Variants in PER2 observed in about 807,000 individuals in gnomAD.
PER2 encodes the protein period circadian regulator 2.
In PER2, 66 loss-of-function variants were observed where a neutral mutation model predicts 121.0. The ratio of observed to expected loss-of-function variants is 0.55; its 90% CI spans 0.45 to 0.67. PER2 has a LOEUF of 0.67. Among genes scored for constraint, PER2 ranks in the 30% least tolerant of loss-of-function variants. The pLI, the probability that PER2 is intolerant of heterozygous loss-of-function variation, is 0.00. For synonymous variants in PER2, 684 were observed against 659.9 expected, an observed-to-expected ratio of 1.04 and a Z score of -0.56; for missense variants, 1,521 against 1,635.0, an observed-to-expected ratio of 0.93 and a Z score of 1.20.
intron 1 of PER2, among the ~76,000 whole-genome samples, chr2:238,282,447 C>A (rs1696657979): frequency 6.6e-6 from 1 of 152,198 alleles, no homozygotes; most frequent in Non-Finnish European, 1.5e-5. Flanking sequence ...GCTGGATCCC[C>A]AGGGCCTGGC....
intron 14 of PER2, among the ~76,000 whole-genome samples, chr2:238,259,492 C>G (rs908969886): frequency 6.6e-6 from 1 of 152,228 alleles, no homozygotes; most frequent in African/African-American, 2.4e-5. Flanking sequence ...CTGGGTGGTA[C>G]TCCCCACTTC....
At chr2:238,273,030 C>G (rs1696337630) in intron 5 of PER2, 40 bp downstream of exon 5, 4 of 1,611,156 alleles carry the variant, frequency 2.5e-6, no homozygotes, top group Non-Finnish European at 3.4e-6. Flanking sequence ...AGGAGGAACT[C>G]CTGCCATTTT....
At chr2:238,254,318 T>G (rs997652261) in intron 18 of PER2, 2 of 156,904 alleles carry the variant, frequency 1.3e-5, no homozygotes, top group African/African-American at 4.8e-5. Flanking sequence ...TCTGGGTATG[T>G]CCCCATGGCC....
intron 2 of PER2, among the ~76,000 whole-genome samples, chr2:238,277,442 G>A (rs1190233925): frequency 6.6e-6 from 1 of 152,146 alleles, no homozygotes; most frequent in Non-Finnish European, 1.5e-5. Context: ...TGTATAAGCA[G>A]CCACTGGCTG....
At chr2:238,262,581 T>C (rs1162037239) in intron 10 of PER2, among the ~76,000 whole-genome samples, 1 of 152,148 alleles carries the variant, frequency 6.6e-6, no homozygotes, top group Non-Finnish European at 1.5e-5. Flanking sequence ...CTTGCATCTA[T>C]GAGGGCTGGG....
chr2:238,288,861 C>T (rs1043425531), upstream of PER2, among the ~76,000 whole-genome samples: 5 of 152,244 alleles, frequency 3.3e-5, no homozygotes, highest in Middle Eastern at 3.4e-3. Context: ...GACTCCGTCT[C>T]ATCTGCATAC....
chr2:238,253,452 G>A lies in PER2; in HGVS notation c.2571C>T (p.Pro857=), dbSNP rs748331231. The A allele has an allele frequency of 5.6e-6, 9 of 1,612,746 alleles. No homozygotes were observed. The highest frequency in any genetic ancestry group is 2.2e-5 in the South Asian group (2 of 91,044). ...CCACAGTCCCTGGCGCTGGAAACAC[G>A]GGCAGTGAATAAGCTGCTGGCACTG... ...PAPVPAAYSL[P]VFPAPGTVAA... Residue 857 remains proline, a synonymous_variant, in exon 19 of 23, where the codon CCC becomes CCT. Coordinates refer to ENST00000254657, the MANE Select transcript of PER2 (RefSeq NM_022817.3). This position sits in a 1 kb window ranked among gnomAD's most constrained non-coding sequence, Gnocchi z 5.6.
At chr2:238,264,846 A>G (rs1414117575) in intron 9 of PER2, among the ~76,000 whole-genome samples, 1 of 152,184 alleles carries the variant, frequency 6.6e-6, no homozygotes, top group African/African-American at 2.4e-5. Context: ...CCTGGTTTCA[A>G]ACAGGCTGGT....
At position 238,251,734 on chromosome 2, in the gene PER2, T is replaced by C. The variant is rs1260694814; in HGVS notation, c.3139A>G (p.Ser1047Gly). 1.2e-6 allele frequency: 2 copies of C among 1,613,880 alleles called. No homozygotes were observed. Among genetic ancestry groups the C allele is most frequent in the Non-Finnish European group, 1.7e-6 (2 of 1,179,938 alleles). ...CCGCTTGACGTGGAAAGGGCGTCAC[T>C]GTTCTGTGTGTCTGAGGGTTCATCA... Reference protein sequence around the residue: ...TRDEPSDTQNSDALSTSSGLL... With the variant: ...TRDEPSDTQNGDALSTSSGLL... The change falls in exon 20 of 23, where the codon AGT becomes GGT. Residue 1047 changes from serine (S) to glycine (G), a missense_variant. By Grantham distance (56) the Ser-to-Gly change is moderately conservative. Transcript: ENST00000254657.
chr2:238,274,131 T>C (rs1696379456), intron 4 of PER2, among the ~76,000 whole-genome samples: 1 of 152,142 alleles, frequency 6.6e-6, no homozygotes, highest in Non-Finnish European at 1.5e-5. Context: ...AAGAAAGTTT[T>C]CAAAATAGAA....
chr2:238,254,508 G>T (rs533708169), intron 18 of PER2, among the ~76,000 whole-genome samples: 41 of 152,242 alleles, frequency 2.7e-4, no homozygotes, highest in Admixed American at 1.8e-3. Context: ...CTATGTAAAT[G>T]GAGGTTTTGC....
At chr2:238,266,029 C>G (rs576481987) in intron 8 of PER2, among the ~76,000 whole-genome samples, 3 of 152,166 alleles carry the variant, frequency 2.0e-5, no homozygotes, top group South Asian at 4.1e-4. Flanking sequence ...TCAGCCTCTC[C>G]AGTAGTTGGG....
chr2:238,246,727 T>C lies in PER2; in HGVS notation c.3619-203A>G, dbSNP rs559174903. Among the ~76,000 whole-genome samples the C allele has an allele frequency of 1.5e-4, 23 of 152,134 alleles. 1 individual carries two copies. The highest frequency in any genetic ancestry group is 3.2e-4 in the Non-Finnish European group (22 of 68,028). ...CCATCTCTACTAATAATACAAAAAA[T>C]TAGCTGGGCGTGGTGGCAGGCACCT... is the stretch of plus-strand genomic sequence containing the variant. On this transcript the variant is annotated intron_variant, in intron 22 of 22. Transcript: ENST00000254657.
At chr2:238,250,089 G>A (rs760079935) in intron 21 of PER2, among the ~76,000 whole-genome samples, 6 of 152,254 alleles carry the variant, frequency 3.9e-5, no homozygotes, top group Admixed American at 1.3e-4. Flanking sequence ...ATGGCAGCCT[G>A]ATGTGGACAC....
At chr2:238,281,068 A>C (rs1696615125) in intron 1 of PER2, among the ~76,000 whole-genome samples, 1 of 151,300 alleles carries the variant, frequency 6.6e-6, no homozygotes, top group Admixed American at 6.6e-5. Context: ...CAGTGGCGCA[A>C]TCTCGGCTCA....
intron 2 of PER2, 24 bp downstream of exon 2, chr2:238,277,683 C>T: frequency 1.9e-6 from 3 of 1,613,326 alleles, no homozygotes; most frequent in South Asian, 1.1e-5. Flanking sequence ...GCCCAGCCTC[C>T]ATCTGGCCAG....
upstream of PER2, among the ~76,000 whole-genome samples, chr2:238,293,592 G>A (rs1475501397): frequency 1.3e-5 from 2 of 151,912 alleles, no homozygotes; most frequent in African/African-American, 4.8e-5. Context: ...AAAATTAGCC[G>A]GGCGTGGTGG....
At position 238,268,224 on chromosome 2, in the gene PER2, T is replaced by C. The variant is rs1696171856; in HGVS notation, c.825-26A>G. On this transcript the variant is annotated intron_variant, in intron 7 of 22. Transcript: ENST00000254657. This position sits in a 1 kb window ranked among gnomAD's most constrained non-coding sequence, Gnocchi z 4.0. ...CTGCGGAGAAGAGCCACGCTCTAAG[T>C]TGGGAACTGTGACACAGGAACAGTC... 6.2e-7 allele frequency: 1 copy of C among 1,612,388 alleles called. No homozygotes were observed. Among genetic ancestry groups the C allele is most frequent in the South Asian group, 1.1e-5 (1 of 91,008 alleles).
intron 1 of PER2, among the ~76,000 whole-genome samples, chr2:238,285,735 C>T (rs1696763081): frequency 8.2e-6 from 1 of 122,070 alleles, no homozygotes; most frequent in Non-Finnish European, 1.9e-5. Context: ...CAGCCACCAT[C>T]TACCCCGCGG....
Sources: gnomAD v4.1 joint callset for allele counts (sites outside exome capture counted in the v4.1 genomes callset) on GRCh38, gnomAD v4.1.1 for gene constraint, Gnocchi (gnomAD v3.1) non-coding constraint, MANE v1.5 for transcripts, NCBI Gene and HGNC (gene_info 2026-07-23, HGNC 2026-07-21) for gene names.